THSD7B: variants seen among roughly 807,000 people sequenced by gnomAD.
THSD7B encodes the protein thrombospondin type-1 domain-containing protein 7B.
A neutral mutation model predicts 213.6 loss-of-function variants in THSD7B; 138 were observed. That is an observed-to-expected ratio of 0.65 (90% CI 0.56 to 0.74). THSD7B has a LOEUF of 0.74. Among genes scored for constraint, THSD7B ranks in the 30% least tolerant of loss-of-function variants. The pLI is 0.00. For synonymous variants in THSD7B, 742 were observed against 687.0 expected (o/e 1.08, Z -1.25); for missense variants, 1,931 against 1,991.5 (o/e 0.97, Z 0.58).
chr2:137,665,004 C>T (rs1683420998), intron 26 of THSD7B, among the ~76,000 whole-genome samples: 1 of 152,132 alleles, frequency 6.6e-6, no homozygotes, highest in Non-Finnish European at 1.5e-5. Context: ...AGCCCAGGCC[C>T]AAAGAAACAC....
chr2:136,923,264 A>C (rs764201885), intron 2 of THSD7B, among the ~76,000 whole-genome samples: 2 of 152,162 alleles, frequency 1.3e-5, no homozygotes, highest in African/African-American at 2.4e-5. Context: ...ATGTTGTAGT[A>C]GTATGTAACA....
rs10490735 is a variant in THSD7B, at chr2:137,242,409, G to A, written c.2151-48G>A. On this transcript the variant is annotated intron_variant, in intron 9 of 27. Coordinates refer to ENST00000409968, the MANE Select transcript of THSD7B (RefSeq NM_001316349.2). ...AAAATCCTATAGTTCTGCGTTCAAC[G>A]GCTTAGTCTCTCAAAAAGGCATTGA... The A allele has an allele frequency of 3.0e-3, 4,323 of 1,440,156 alleles. 106 individuals carry two copies. In the African/African-American group the frequency reaches 0.052, roughly 17 times the overall value. 89.2% of individuals were successfully genotyped at this position (1,440,156 alleles called of 1,614,324 possible).
chr2:137,572,603 T>A lies in THSD7B; in HGVS notation c.3423+47T>A, dbSNP rs746948368. On this transcript the variant is annotated intron_variant, in intron 17 of 27. Coordinates refer to ENST00000409968, the MANE Select transcript of THSD7B (RefSeq NM_001316349.2). ...ATGCTCTGATAATCTATTGTTGCCT[T>A]CACTGTTGTTCGTTGTGCATTCACA... The A allele has an allele frequency of 1.9e-5, 30 of 1,602,966 alleles. No homozygotes were observed. In the South Asian group the frequency reaches 3.2e-4, roughly 17 times the overall value.
chr2:137,184,423 T>C (rs1039444161), intron 7 of THSD7B, among the ~76,000 whole-genome samples: 4 of 152,014 alleles, frequency 2.6e-5, no homozygotes, highest in Admixed American at 6.6e-5. Flanking sequence ...GCAGAGGAGA[T>C]TGAAAATAAG....
chr2:137,374,827 G>T (rs552729311), intron 12 of THSD7B, among the ~76,000 whole-genome samples: 1 of 152,112 alleles, frequency 6.6e-6, no homozygotes, highest in Non-Finnish European at 1.5e-5. Flanking sequence ...TCCAGGTCCA[G>T]CTCATTCATT....
chr2:137,546,116 C>T (rs1349048855), intron 15 of THSD7B, among the ~76,000 whole-genome samples: 1 of 149,792 alleles, frequency 6.7e-6, no homozygotes, highest in African/African-American at 2.5e-5. Context: ...AAGAAAGACT[C>T]TAAATTCATT....
intron 3 of THSD7B, among the ~76,000 whole-genome samples, chr2:137,069,679 GT>G (rs1291688476): frequency 1.3e-5 from 2 of 151,680 alleles, no homozygotes; most frequent in Non-Finnish European, 2.9e-5. Context: ...TTGTTCCCTT[GT>G]TTTTTGTATC....
At chr2:137,031,072 A>G (rs1209114634) in intron 2 of THSD7B, among the ~76,000 whole-genome samples, 1 of 152,174 alleles carries the variant, frequency 6.6e-6, no homozygotes, top group African/African-American at 2.4e-5. Flanking sequence ...GGCCAGGTGC[A>G]GTAGCTCATG....
chr2:136,797,408 C>T (rs759854226), intron 1 of THSD7B, among the ~76,000 whole-genome samples: 45 of 151,960 alleles, frequency 3.0e-4, no homozygotes, highest in East Asian at 1.9e-4. Context: ...TAAGTCTTTC[C>T]ATAGGCAACT....
intron 27 of THSD7B, among the ~76,000 whole-genome samples, chr2:137,673,884 A>G (rs1360055114): frequency 6.6e-6 from 1 of 152,154 alleles, no homozygotes; most frequent in Non-Finnish European, 1.5e-5. Context: ...AGGTTGCACA[A>G]TATGAAAAGA....
chr2:136,904,826 A>AG (rs1684131093), intron 2 of THSD7B, among the ~76,000 whole-genome samples: 1 of 152,156 alleles, frequency 6.6e-6, no homozygotes, highest in African/African-American at 2.4e-5. Context: ...GAGAGAAAAA[A>AG]AATTATTTGC....
At chr2:136,977,199 C>T (rs2104804551) in intron 2 of THSD7B, among the ~76,000 whole-genome samples, 2 of 151,770 alleles carry the variant, frequency 1.3e-5, no homozygotes, top group South Asian at 4.2e-4. Context: ...TGTGTATGTG[C>T]CCATTCTAGA....
At chr2:137,375,652 G>A (rs907708816) in intron 12 of THSD7B, among the ~76,000 whole-genome samples, 13 of 152,134 alleles carry the variant, frequency 8.5e-5, no homozygotes, top group African/African-American at 3.1e-4. Context: ...TTCTATAATA[G>A]AATTTTATCA....
At chr2:137,548,438 A>G (rs2105202895) in intron 15 of THSD7B, among the ~76,000 whole-genome samples, 1 of 152,082 alleles carries the variant, frequency 6.6e-6, no homozygotes, top group East Asian at 1.9e-4. Flanking sequence ...GACCATAGCA[A>G]TGTCCTCCTT....
At chr2:137,603,908 C>T (rs964804963) in intron 17 of THSD7B, among the ~76,000 whole-genome samples, 1 of 152,040 alleles carries the variant, frequency 6.6e-6, no homozygotes, top group Non-Finnish European at 1.5e-5. Flanking sequence ...GTCAGGAGTT[C>T]AAGAGTAGCC....
intron 17 of THSD7B, among the ~76,000 whole-genome samples, chr2:137,587,275 G>A (rs1161097629): frequency 6.6e-6 from 1 of 152,112 alleles, no homozygotes; most frequent in African/African-American, 2.4e-5. Flanking sequence ...TTTGTGATGG[G>A]TTCAAACTTC....
chr2:137,547,062 G>A lies in THSD7B; in HGVS notation c.3139-16159G>A, dbSNP rs555980711. 2.0e-5 allele frequency among the ~76,000 whole-genome samples: 3 copies of A among 152,112 alleles called. No individual in the cohort carries two copies. The East Asian group carries it at 5.8e-4, about 30-fold the overall frequency. ...AACAAAATAGCTTTTATTCCATACA[G>A]CAACAGCTTTCAATTAGTCCATAAT... On this transcript the variant is annotated intron_variant, in intron 15 of 27. Coordinates refer to ENST00000409968, the MANE Select transcript of THSD7B (RefSeq NM_001316349.2).
At chr2:137,149,725 C>T (rs1455500184) in intron 5 of THSD7B, among the ~76,000 whole-genome samples, 1 of 152,158 alleles carries the variant, frequency 6.6e-6, no homozygotes, top group Non-Finnish European at 1.5e-5. Context: ...CCTGTAGCCC[C>T]TTCATTTTGG....
At chr2:137,651,921 G>C (rs1683148287) in intron 21 of THSD7B, among the ~76,000 whole-genome samples, 1 of 151,944 alleles carries the variant, frequency 6.6e-6, no homozygotes, top group African/African-American at 2.4e-5. Flanking sequence ...AAACATACTT[G>C]ATATGATTTC....
Sources: gnomAD v4.1 joint callset for allele counts (sites outside exome capture counted in the v4.1 genomes callset) on GRCh38, gnomAD v4.1.1 for gene constraint, MANE v1.5 for transcripts, NCBI Gene and HGNC (gene_info 2026-07-23, HGNC 2026-07-21) for gene names.